The following EVA1A variants were observed in gnomAD, a reference collection of about 807,000 sequenced individuals.
The protein encoded by EVA1A is eva-1 homolog A, regulator of programmed cell death.
A neutral mutation model predicts 9.8 loss-of-function variants in EVA1A; 7 were observed. That is an observed-to-expected ratio of 0.71 (90% CI 0.41 to 1.34). EVA1A has a LOEUF of 1.34. Ranked by LOEUF, EVA1A falls within the 40% of genes most tolerant of loss-of-function variation. EVA1A has a pLI of 0.01. For synonymous variants in EVA1A, 90 were observed against 85.6 expected, an observed-to-expected ratio of 1.05 and a Z score of -0.28; for missense variants, 206 against 205.9, an observed-to-expected ratio of 1.00 and a Z score of 0.00.
At chr2:75,504,437 A>ACAAC (rs1674538832) in intron 3 of EVA1A, among the ~76,000 whole-genome samples, 1 of 152,098 alleles carries the variant, frequency 6.6e-6, no homozygotes, top group African/African-American at 2.4e-5. Flanking sequence ...AAACAAACAA[A>ACAAC]ATATCTTTAT....
At chr2:75,552,580 T>C (rs796322396) in intron 1 of EVA1A, among the ~76,000 whole-genome samples, 7 of 152,332 alleles carry the variant, frequency 4.6e-5, no homozygotes, top group East Asian at 3.9e-4. Flanking sequence ...ACCTAGATGA[T>C]AGTAAGTCAC....
chr2:75,515,875 C>T (rs1674987568), intron 3 of EVA1A, among the ~76,000 whole-genome samples: 3 of 152,162 alleles, frequency 2.0e-5, no homozygotes, highest in Admixed American at 2.0e-4. Context: ...AGACACCCCC[C>T]TAACAAAGAA....
In EVA1A at chr2:75,508,763, C is replaced by T. The variant is rs576786123; in HGVS notation, c.85+9293G>A. On this transcript the variant is annotated intron_variant, in intron 3 of 3. Coordinates refer to ENST00000393913, the MANE Select transcript of EVA1A (RefSeq NM_001135032.2). ...GCTTGGGGGGCATCACAGAACCTAC[C>T]GACATGTGATGTCTCCCCCGGATGC... Among the ~76,000 whole-genome samples, 16 of 152,126 alleles carry T rather than the reference C, an allele frequency of 1.1e-4. No homozygotes were observed. The East Asian group carries it at 1.4e-3, about 13-fold the overall frequency.
chr2:75,568,945 G>A (rs1162710144), intron 1 of EVA1A, among the ~76,000 whole-genome samples: 8 of 152,132 alleles, frequency 5.3e-5, no homozygotes, highest in Admixed American at 5.2e-4. Context: ...AACATGTGTT[G>A]CATGTGTCTT....
rs373778304 is a variant in EVA1A at position 75,493,362 on chromosome 2, C to T, written c.333G>A (p.Val111=). ...GCTCCAGCTCCTCCGCAGAGGTGAA[C>T]ACATTCTTGTTCAAAGTCCTCTCGA... ...RRFERTLNKN[V]FTSAEELERA... is the part of the protein sequence containing the mutation. Residue 111 remains valine, a synonymous_variant, in exon 4 of 4, where the codon GTG becomes GTA. Transcript: ENST00000393913. The T allele has an allele frequency of 1.2e-5, 20 of 1,614,152 alleles. No homozygotes were observed. In the East Asian group the frequency reaches 3.3e-4, roughly 27 times the overall value.
In EVA1A at chr2:75,518,959, T is replaced by G. The variant is rs949907287; in HGVS notation, c.-68-751A>C. The G allele has an allele frequency of 8.3e-6, 6 of 722,656 alleles. No individual in the cohort carries two copies. The African/African-American group carries it at 1.2e-4, about 14-fold the overall frequency. 44.8% of individuals were successfully genotyped at this position (722,656 alleles called of 1,614,324 possible). On this transcript the variant is annotated intron_variant, in intron 2 of 3. Coordinates refer to ENST00000393913, the MANE Select transcript of EVA1A (RefSeq NM_001135032.2). ...TGCTCCCTGCCTCTAGCTCCATGAC[T>G]CCACCTGTGACTGTGATGGGCCAGT...
chr2:75,518,711 C>T (rs1047567399), intron 2 of EVA1A: 11 of 986,900 alleles, frequency 1.1e-5, no homozygotes, highest in Non-Finnish European at 1.3e-5. Context: ...TTCAAATCAT[C>T]GTCACATTCA....
At chr2:75,553,433 A>G (rs1676595359) in intron 1 of EVA1A, among the ~76,000 whole-genome samples, 1 of 152,256 alleles carries the variant, frequency 6.6e-6, no homozygotes, top group African/African-American at 2.4e-5. Flanking sequence ...AGAGATGGAC[A>G]GCAAAACATT....
chr2:75,513,622 T>C (rs749152742), intron 3 of EVA1A, among the ~76,000 whole-genome samples: 2 of 152,166 alleles, frequency 1.3e-5, no homozygotes, highest in Non-Finnish European at 2.9e-5. Flanking sequence ...AGTCAAGAAA[T>C]GCAGACAACC....
rs1675085544 is a variant in EVA1A, at chr2:75,518,228, G to A, written c.-68-20C>T. The A allele has an allele frequency of 6.4e-7, 1 of 1,551,460 alleles. No individual in the cohort carries two copies. The highest frequency in any genetic ancestry group is 1.3e-5 in the South Asian group (1 of 79,840). ...TCTCTTCTGTTTGGGAACATAAAGT[G>A]AGTGATAAGAAACATTCTGCTGTCC... On this transcript the variant is annotated intron_variant, in intron 2 of 3. Coordinates refer to ENST00000393913, the MANE Select transcript of EVA1A (RefSeq NM_001135032.2).
At chr2:75,511,685 G>A (rs1334001435) in intron 3 of EVA1A, among the ~76,000 whole-genome samples, 1 of 152,086 alleles carries the variant, frequency 6.6e-6, no homozygotes, top group Non-Finnish European at 1.5e-5. Context: ...GCAGCTCTTG[G>A]GTAAGACTCC....
chr2:75,514,452 A>C (rs906757248), intron 3 of EVA1A, among the ~76,000 whole-genome samples: 2 of 152,230 alleles, frequency 1.3e-5, no homozygotes, highest in African/African-American at 4.8e-5. Context: ...GAGGTGTGAT[A>C]ATTGTCTACT....
At position 75,546,554 on chromosome 2, in the gene EVA1A, G is replaced by T. The variant is rs547925933; in HGVS notation, c.-192+14126C>A. 2.0e-5 allele frequency among the ~76,000 whole-genome samples: 3 copies of T among 152,224 alleles called. No individual in the cohort carries two copies. In the South Asian group the frequency reaches 6.2e-4, roughly 32 times the overall value. ...ATGTCCCAAGCAGTGTATATACGAC[G>T]TGGATGGAAAAACTGACCACAGATG... On this transcript the variant is annotated intron_variant, in intron 1 of 3. Transcript: ENST00000393913.
upstream of EVA1A, among the ~76,000 whole-genome samples, chr2:75,564,186 G>A (rs535918367): frequency 2.0e-5 from 3 of 152,230 alleles, no homozygotes; most frequent in Non-Finnish European, 4.4e-5. Flanking sequence ...CCTTCAGGGT[G>A]GAGGTGGTCA....
rs186562881 is a variant in EVA1A, at chr2:75,497,414, A to G, written c.86-3805T>C. ...AAGAAGACATACATTCAGCCAACAA[A>G]TATGTGAAAAAATGCTCAGCATCAC... On this transcript the variant is annotated intron_variant, in intron 3 of 3. Transcript: ENST00000393913. Among the ~76,000 whole-genome samples the G allele has an allele frequency of 2.1e-3, 314 of 152,298 alleles. 2 individuals carry two copies. The highest frequency in any genetic ancestry group is 6.7e-3 in the African/African-American group (278 of 41,558).
At chr2:75,521,871 A>G (rs535070874) in intron 2 of EVA1A, among the ~76,000 whole-genome samples, 1 of 152,330 alleles carries the variant, frequency 6.6e-6, no homozygotes, top group South Asian at 2.1e-4. Flanking sequence ...TTGGTGAGGT[A>G]AAACAGGGAA....
chr2:75,493,561 C>T lies in EVA1A; in HGVS notation c.134G>A (p.Gly45Glu), dbSNP rs765525580. 3.8e-5 allele frequency: 62 copies of T among 1,613,486 alleles called. No homozygotes were observed. Among genetic ancestry groups the T allele is most frequent in the Non-Finnish European group, 5.2e-5 (61 of 1,179,772 alleles). Residue 45 changes from glycine to glutamate, a missense_variant, in exon 4 of 4, where the codon GGG (glycine) becomes GAG (glutamate). Coordinates refer to ENST00000393913, the MANE Select transcript of EVA1A (RefSeq NM_001135032.2). ...CAGAGCAGCCAGGGTCAGCACCAGC[C>T]CGATGCACACGCCAGAAACAAAGTA... is the stretch of plus-strand genomic sequence containing the variant. ...ALYFVSGVCIGLVLTLAALVI... is the reference protein window; with the variant it reads ...ALYFVSGVCIELVLTLAALVI...
chr2:75,535,998 T>C (rs1158241360), intron 1 of EVA1A, among the ~76,000 whole-genome samples: 2 of 152,214 alleles, frequency 1.3e-5, no homozygotes, highest in Non-Finnish European at 2.9e-5. Context: ...GTCCTTTCTT[T>C]GATTATTTTC....
chr2:75,517,360 GA>G (rs1240581894), intron 3 of EVA1A, among the ~76,000 whole-genome samples: 3 of 151,908 alleles, frequency 2.0e-5, no homozygotes, highest in Admixed American at 6.6e-5. Context: ...AAAAACAAAA[GA>G]AAAGTATCAA....
Sources: gnomAD v4.1 joint callset for allele counts (sites outside exome capture counted in the v4.1 genomes callset) on GRCh38, gnomAD v4.1.1 for gene constraint, MANE v1.5 for transcripts, NCBI Gene and HGNC (gene_info 2026-07-23, HGNC 2026-07-21) for gene names.